Variants in ATAD3B observed in about 807,000 individuals in gnomAD.
ATAD3B encodes the protein ATPase family AAA domain containing 3B.
Under a neutral mutation model 70.2 loss-of-function variants are expected in ATAD3B, and 59 were observed. That is an observed-to-expected ratio of 0.84 (90% CI 0.68 to 1.04). ATAD3B has a LOEUF of 1.04. Ranked by LOEUF, ATAD3B falls within the 50% of genes least tolerant of loss-of-function variation. The pLI, the probability that ATAD3B is intolerant of heterozygous loss-of-function variation, is 0.00. For missense variants in ATAD3B, 961 were observed against 913.4 expected (o/e 1.05, Z -0.67); for synonymous variants, 423 against 388.6 (o/e 1.09, Z -1.04).
chr1:1,489,668 T>G (rs959075635), intron 13 of ATAD3B: 4 of 1,324,942 alleles, frequency 3.0e-6, no homozygotes, highest in Non-Finnish European at 4.0e-6. Context: ...TTTTGAGTTT[T>G]CTTGGTCTCC....
chr1:1,491,599 G>T (rs1364406241), intron 15 of ATAD3B, among the ~76,000 whole-genome samples: 1 of 151,966 alleles, frequency 6.6e-6, no homozygotes, highest in Admixed American at 6.6e-5. Context: ...GGTAGAAGGC[G>T]CCCTGGCCAC....
intron 4 of ATAD3B, among the ~76,000 whole-genome samples, chr1:1,480,130 C>G (rs150397966): frequency 6.9e-6 from 1 of 145,314 alleles, no homozygotes; most frequent in South Asian, 2.2e-4. Flanking sequence ...TGTACGCACC[C>G]CCACTCACAG....
the ATAD3B span, chr1:1,503,764 T>C: frequency 2.6e-6 from 4 of 1,512,260 alleles, no homozygotes; most frequent in Middle Eastern, 2.3e-4. Flanking sequence ...GGCATGTACA[T>C]GGGCAGCAGT....
intron 1 of ATAD3B, among the ~76,000 whole-genome samples, chr1:1,476,921 C>G (rs898255215): frequency 1.3e-5 from 2 of 152,070 alleles, no homozygotes; most frequent in Admixed American, 1.3e-4. Flanking sequence ...ATTCTCCAGC[C>G]TTGGCCTCCC....
chr1:1,476,711 T>C (rs1305096300), intron 1 of ATAD3B, among the ~76,000 whole-genome samples: 1 of 151,856 alleles, frequency 6.6e-6, no homozygotes, highest in Non-Finnish European at 1.5e-5. Context: ...GGTTTCACTG[T>C]GTTAACCAGG....
chr1:1,490,951 T>C (rs1186892025), intron 15 of ATAD3B, among the ~76,000 whole-genome samples: 1 of 151,876 alleles, frequency 6.6e-6, no homozygotes, highest in Non-Finnish European at 1.5e-5. Context: ...CGGGCTCTGC[T>C]GGGTGTGGTG....
At chr1:1,503,895 G>C in the ATAD3B span, among the ~76,000 whole-genome samples, 15 of 152,200 alleles carry the variant, frequency 9.9e-5, no homozygotes, top group Admixed American at 6.5e-4. Context: ...CTGGTTGTCC[G>C]GAGGATGGGG....
rs927867487 is a variant in ATAD3B at position 1,496,969 on chromosome 1, A to C, written c.*1152A>C. 1 of 136,266 alleles carries C rather than the reference A, an allele frequency of 7.3e-6. No individual in the cohort carries two copies. Among genetic ancestry groups the C allele is most frequent in the Non-Finnish European group, 1.5e-5 (1 of 67,656 alleles). The allele number at this position is 136,266 out of a possible 1,614,324, so 8.4% of individuals were successfully genotyped here. On this transcript the variant is annotated 3_prime_UTR_variant, in exon 16 of 16. Coordinates refer to ENST00000673477, the MANE Select transcript of ATAD3B (RefSeq NM_031921.6). ...AGGGGTGGTTGGGGGAATCACAGCA[A>C]CGAGACAGCACAGTGCCATGGCGCA...
chr1:1,473,365 T>C (rs1385295063), intron 1 of ATAD3B, among the ~76,000 whole-genome samples: 2 of 150,190 alleles, frequency 1.3e-5, no homozygotes, highest in Non-Finnish European at 3.0e-5. Flanking sequence ...CCTGACCTCG[T>C]GATTAATTTT....
rs1443886936 is a variant in ATAD3B at position 1,473,573 on chromosome 1, G to A, written c.205+1484G>A. Among the ~76,000 whole-genome samples the A allele has an allele frequency of 2.0e-5, 3 of 150,042 alleles. No individual in the cohort carries two copies. In the East Asian group the frequency reaches 5.9e-4, roughly 30 times the overall value. On this transcript the variant is annotated intron_variant, in intron 1 of 15. Coordinates refer to ENST00000673477, the MANE Select transcript of ATAD3B (RefSeq NM_031921.6). ...TGCAATGGCGCCATCTTGTCTCACT[G>A]CAAACCGCAACGCCCTGGTTCAAAG...
At chr1:1,493,287 A>G (rs1640626977) in intron 15 of ATAD3B, among the ~76,000 whole-genome samples, 1 of 151,822 alleles carries the variant, frequency 6.6e-6, no homozygotes, top group Admixed American at 6.6e-5. Flanking sequence ...CGATATGTGG[A>G]ATAGAAGTGG....
rs1557434691 is a variant in ATAD3B, at chr1:1,495,623, C to A, written c.1753C>A (p.Leu585Ile). The change falls in exon 16 of 16, where the codon CTA becomes ATA. Residue 585 changes from leucine to isoleucine, a missense_variant. Physicochemically the swap from Leu to Ile is conservative, Grantham distance 5. Transcript: ENST00000673477. The stretch of plus-strand genomic sequence containing the variant: ...GCCTGGGCGCGGGGTCGAGCACCCC[C>A]TATCCGGAGTCCAAGGCGAGACCCT... ...EGPGRGVEHPLSGVQGETLTS... is the reference protein window; with the variant it reads ...EGPGRGVEHPISGVQGETLTS... The A allele has an allele frequency of 6.2e-7, 1 of 1,613,042 alleles. No individual in the cohort carries two copies. Among genetic ancestry groups the A allele is most frequent in the Admixed American group, 1.7e-5 (1 of 59,948 alleles).
intron 2 of ATAD3B, 116 bp downstream of exon 2, chr1:1,477,466 G>A (rs1639651889): frequency 6.6e-7 from 1 of 1,521,132 alleles, no homozygotes; most frequent in Admixed American, 1.9e-5. Flanking sequence ...GCAGCAGTGG[G>A]GCCAGGGCCG....
intron 15 of ATAD3B, among the ~76,000 whole-genome samples, chr1:1,492,975 G>A (rs1355777979): frequency 6.6e-6 from 1 of 151,610 alleles, no homozygotes; most frequent in South Asian, 2.1e-4. Flanking sequence ...ACCTGGTGTG[G>A]TAGCAGGCAC....
In ATAD3B at chr1:1,471,863, T is replaced by C; in HGVS notation, c.-22T>C. 8.0e-7 allele frequency: 1 copy of C among 1,255,168 alleles called. No homozygotes were observed. The highest frequency in any genetic ancestry group is 1.0e-6 in the Non-Finnish European group (1 of 988,976). 77.8% of individuals were successfully genotyped at this position (1,255,168 alleles called of 1,614,324 possible). On this transcript the variant is annotated 5_prime_UTR_variant, in exon 1 of 16. Coordinates refer to ENST00000673477, the MANE Select transcript of ATAD3B (RefSeq NM_031921.6). ...ACTCGGGTGGGGGTCCCGGCGGCGG[T>C]AGCGGCGGCGGCGGTGCGAGCATGT... is the stretch of plus-strand genomic sequence containing the variant.
Position 1,490,283 on chromosome 1 carries a change from T to C in ATAD3B, c.1364T>C (p.Leu455Pro). 1.2e-6 allele frequency: 2 copies of C among 1,613,062 alleles called. No individual in the cohort carries two copies. Among genetic ancestry groups the C allele is most frequent in the Non-Finnish European group, 1.7e-6 (2 of 1,179,640 alleles). Reference protein sequence around the residue: ...NKFMLVLASNLPEQFDCAINS... With the variant: ...NKFMLVLASNPPEQFDCAINS... ...TTCATGCTGGTCCTGGCCAGCAATCTGCCTGAGCAGTTCGACTGTGCCATC... is the reference window on the plus strand; with the variant it reads ...TTCATGCTGGTCCTGGCCAGCAATCCGCCTGAGCAGTTCGACTGTGCCATC... Residue 455 changes from leucine (L) to proline (P), a missense_variant, in exon 14 of 16, where the codon CTG becomes CCG. By Grantham distance (98) the Leu-to-Pro change is moderately conservative (BLOSUM62 -3). Coordinates refer to ENST00000673477, the MANE Select transcript of ATAD3B (RefSeq NM_031921.6).
At position 1,482,328 on chromosome 1, in the gene ATAD3B, G is replaced by A. The variant is rs189069699; in HGVS notation, c.680+25G>A. 2,794 of 1,542,492 alleles carry A rather than the reference G, an allele frequency of 1.8e-3. 83 individuals are homozygous for A. In the African/African-American group the frequency reaches 0.036, roughly 20 times the overall value. ...GGTGAGCACTGCCCAGGCCCGGGCC[G>A]GCCACAGATGGAGCCCCGCAGGTGT... is the stretch of plus-strand genomic sequence containing the variant. On this transcript the variant is annotated intron_variant, in intron 6 of 15. Coordinates refer to ENST00000673477, the MANE Select transcript of ATAD3B (RefSeq NM_031921.6).
At position 1,497,634 on chromosome 1, in the gene ATAD3B, A is replaced by G. The variant is rs1298045730; in HGVS notation, c.*1817A>G. On this transcript the variant is annotated 3_prime_UTR_variant, in exon 16 of 16. Coordinates refer to ENST00000673477, the MANE Select transcript of ATAD3B (RefSeq NM_031921.6). ...GTAATCCCAGCACTTTGGGAGGCCA[A>G]GGCGGGTGAATCATGAGGTCAGGAG... 6.6e-6 allele frequency: 1 copy of G among 151,872 alleles called. No individual in the cohort carries two copies. The highest frequency in any genetic ancestry group is 1.5e-5 in the Non-Finnish European group (1 of 68,052). The allele number at this position is 151,872 out of a possible 1,614,324, so 9.4% of individuals were successfully genotyped here. A position where few individuals can be genotyped will look rare whatever the true frequency, so the allele number is the denominator to read the frequency against.
At chr1:1,475,097 C>T (rs978149163) in intron 1 of ATAD3B, among the ~76,000 whole-genome samples, 7 of 148,424 alleles carry the variant, frequency 4.7e-5, no homozygotes, top group Non-Finnish European at 1.0e-4. Flanking sequence ...CTCTGAGTTG[C>T]TCCAGTCCTG....
Sources: gnomAD v4.1 joint callset for allele counts (sites outside exome capture counted in the v4.1 genomes callset) on GRCh38, gnomAD v4.1.1 for gene constraint, MANE v1.5 for transcripts, NCBI Gene and HGNC (gene_info 2026-07-23, HGNC 2026-07-21) for gene names.